The following YBEY variants were observed in gnomAD, a reference collection of about 807,000 sequenced individuals.
The protein encoded by YBEY is ybeY metalloendoribonuclease, also known as endoribonuclease YbeY.
In YBEY, 15 loss-of-function variants were observed where a neutral mutation model predicts 13.5. The ratio of observed to expected loss-of-function variants is 1.11; its 90% CI spans 0.75 to 1.72. The LOEUF (loss-of-function observed/expected upper bound fraction) is 1.72, where lower values mean the gene tolerates loss of function less well. Ranked by LOEUF, YBEY falls within the 40% of genes most tolerant of loss-of-function variation. The probability of loss-of-function intolerance (pLI) is 0.00; values close to 1 mark genes in which losing one functional copy is unlikely to be tolerated. For synonymous variants in YBEY, 101 were observed against 83.1 expected, an observed-to-expected ratio of 1.21 and a Z score of -1.17; for missense variants, 244 against 208.4, an observed-to-expected ratio of 1.17 and a Z score of -1.05.
At chr21:46,311,481 A>C in the YBEY span, 10 of 1,606,972 alleles carry the variant, frequency 6.2e-6, no homozygotes, top group Non-Finnish European at 8.5e-6. Context: ...CTGACCGTTG[A>C]GTAGGGAAGG....
Position 46,296,229 on chromosome 21 carries a change from AG to A in YBEY, c.408+1del. ...CACGGCACGGAGGCAGAGTGGCAGC[AG>A]GTAAGGAGCCCATCCATCCCACTAC... ...FTHGTEAEWQ[Q>X]MFQKEKAVLD... On this transcript the variant is annotated frameshift_variant and splice_region_variant, in exon 4 of 5. Coordinates refer to ENST00000397701, the MANE Select transcript of YBEY (RefSeq NM_001314025.2). LOFTEE classifies it low-confidence loss of function (END_TRUNC). 2 of 1,613,538 alleles carry A rather than the reference AG, an allele frequency of 1.2e-6. No individual in the cohort carries two copies. The highest frequency in any genetic ancestry group is 1.7e-6 in the Non-Finnish European group (2 of 1,180,004).
chr21:46,305,370 C>A, the YBEY span, among the ~76,000 whole-genome samples: 10 of 139,920 alleles, frequency 7.1e-5, no homozygotes, highest in African/African-American at 2.7e-4. Flanking sequence ...CACTCTGTTG[C>A]CCAAGCTGGG....
rs546346871 is a variant in YBEY, at chr21:46,288,656, C to T, written c.210+1533C>T. On this transcript the variant is annotated intron_variant, in intron 2 of 4. Coordinates refer to ENST00000397701, the MANE Select transcript of YBEY (RefSeq NM_001314025.2). ...ATTGCACCACTGCACTCCAGCCTGGCGACAGAGCGAGACTCCGTCTCAAAA... is the reference window on the plus strand; with the variant it reads ...ATTGCACCACTGCACTCCAGCCTGGTGACAGAGCGAGACTCCGTCTCAAAA... 5.5e-5 allele frequency among the ~76,000 whole-genome samples: 8 copies of T among 146,478 alleles called. No homozygotes were observed. The South Asian group carries it at 6.5e-4, about 12-fold the overall frequency.
chr21:46,295,761 G>A (rs542120753), intron 3 of YBEY, among the ~76,000 whole-genome samples: 32 of 152,276 alleles, frequency 2.1e-4, no homozygotes, highest in African/African-American at 7.0e-4. Flanking sequence ...TGGGCTGTGC[G>A]CTTGCCTCGT....
chr21:46,288,115 T>G (rs1359852956), intron 2 of YBEY, among the ~76,000 whole-genome samples: 1 of 152,196 alleles, frequency 6.6e-6, no homozygotes. Context: ...TTCTGCAATA[T>G]TTTTGCAGTT....
chr21:46,293,215 C>T (rs1253697561), intron 3 of YBEY, among the ~76,000 whole-genome samples: 1 of 90,528 alleles, frequency 1.1e-5, no homozygotes, highest in South Asian at 5.3e-4. Context: ...TCAGTGGGGA[C>T]AGCCACGCAA....
downstream of YBEY, chr21:46,297,804 C>T (rs2082001838): frequency 8.2e-7 from 1 of 1,216,360 alleles, no homozygotes; most frequent in Non-Finnish European, 1.0e-6. Flanking sequence ...CGAGCCGTGG[C>T]ATCGAGAGGG....
chr21:46,298,591 G>C (rs542956949), downstream of YBEY, among the ~76,000 whole-genome samples: 319 of 151,320 alleles, frequency 2.1e-3, no homozygotes, highest in Admixed American at 3.8e-3. Context: ...CACCTCGCCC[G>C]GCTAATTTTT....
At chr21:46,296,787 G>T (rs11700435) in intron 4 of YBEY, among the ~76,000 whole-genome samples, 92,011 of 151,018 alleles carry the variant, frequency 0.61, 29,239 homozygotes, top group Non-Finnish European at 0.71. Context: ...CTGAGGTTGG[G>T]AGTTCGCGAC....
At chr21:46,295,216 G>A (rs2081910618) in intron 3 of YBEY, among the ~76,000 whole-genome samples, 2 of 152,012 alleles carry the variant, frequency 1.3e-5, no homozygotes, top group African/African-American at 4.8e-5. Context: ...TACCCTGAGG[G>A]GAGGGCCAGC....
chr21:46,292,430 C>A (rs779807735), intron 3 of YBEY, among the ~76,000 whole-genome samples: 30 of 152,140 alleles, frequency 2.0e-4, no homozygotes, highest in Non-Finnish European at 3.2e-4. Context: ...TGGCTTCGGT[C>A]TTGAGCAAGG....
the YBEY span, among the ~76,000 whole-genome samples, chr21:46,312,675 A>C: frequency 6.6e-6 from 1 of 152,188 alleles, no homozygotes; most frequent in Non-Finnish European, 1.5e-5. Context: ...CGGCCTGGTC[A>C]GTCTTTTTAA....
At chr21:46,291,490 C>T in intron 3 of YBEY, 28 bp downstream of exon 3, 3 of 1,612,308 alleles carry the variant, frequency 1.9e-6, no homozygotes, top group East Asian at 4.5e-5. Context: ...AATCATATAA[C>T]CTGGCTCATG....
In YBEY at chr21:46,296,179, A is replaced by C. The variant is rs2081945305; in HGVS notation, c.357A>C (p.Gly119=). ...TCTGACAGGTGACGGCCACCCACGG[A>C]CTCTGTCACTTGCTGGGATTCACAC... ...NDVLTVTATH[G]LCHLLGFTHG... The change falls in exon 4 of 5, where the codon GGA becomes GGC. Residue 119 remains glycine (G), a synonymous_variant. Coordinates refer to ENST00000397701, the MANE Select transcript of YBEY (RefSeq NM_001314025.2). The C allele has an allele frequency of 6.2e-7, 1 of 1,613,482 alleles. No homozygotes were observed. The highest frequency in any genetic ancestry group is 8.5e-7 in the Non-Finnish European group (1 of 1,179,996).
At chr21:46,307,463 T>TAC in the YBEY span, among the ~76,000 whole-genome samples, 2 of 152,134 alleles carry the variant, frequency 1.3e-5, no homozygotes, top group Non-Finnish European at 2.9e-5. Flanking sequence ...CACACACCCC[T>TAC]ACCTCAGTGT....
the YBEY span, among the ~76,000 whole-genome samples, chr21:46,306,918 CAG>C: frequency 6.8e-6 from 1 of 148,106 alleles, no homozygotes; most frequent in African/African-American, 2.5e-5. Context: ...TTTTTTAAGA[CAG>C]AGTCTTGGTC....
the YBEY span, among the ~76,000 whole-genome samples, chr21:46,307,800 G>A: frequency 3.9e-5 from 6 of 152,220 alleles, no homozygotes; most frequent in African/African-American, 9.6e-5. Context: ...TCTGCCCCTA[G>A]ACTACCAATT....
chr21:46,295,762 C>G (rs1174640965), intron 3 of YBEY, among the ~76,000 whole-genome samples: 1 of 152,118 alleles, frequency 6.6e-6, no homozygotes, highest in South Asian at 2.1e-4. Flanking sequence ...GGGCTGTGCG[C>G]TTGCCTCGTC....
At chr21:46,308,420 C>T in the YBEY span, among the ~76,000 whole-genome samples, 1 of 151,944 alleles carries the variant, frequency 6.6e-6, no homozygotes, top group Non-Finnish European at 1.5e-5. Context: ...GGGATCACGA[C>T]ACTGCACTCC....
Sources: gnomAD v4.1 joint callset for allele counts (sites outside exome capture counted in the v4.1 genomes callset) on GRCh38, gnomAD v4.1.1 for gene constraint, MANE v1.5 for transcripts, NCBI Gene and HGNC (gene_info 2026-07-23, HGNC 2026-07-21) for gene names.